Variants in MCTP2 observed in about 807,000 individuals in gnomAD.
The protein encoded by MCTP2 is multiple C2 and transmembrane domain containing 2, also known as multiple C2 and transmembrane domain-containing protein 2.
MCTP2 carries 132 observed loss-of-function variants against 111.6 expected under a neutral mutation model. The ratio of observed to expected loss-of-function variants is 1.18; its 90% CI spans 1.03 to 1.37. The LOEUF (loss-of-function observed/expected upper bound fraction) is 1.37, where lower values mean the gene tolerates loss of function less well. Ranked by LOEUF, MCTP2 falls within the 40% of genes most tolerant of loss-of-function variation. MCTP2 has a pLI of 0.00. For synonymous variants in MCTP2, 395 were observed against 387.7 expected (o/e 1.02, Z -0.22); for missense variants, 1,183 against 1,067.9 (o/e 1.11, Z -1.50).
intron 21 of MCTP2, among the ~76,000 whole-genome samples, chr15:94,473,122 A>G (rs1440843705): frequency 6.6e-6 from 1 of 151,844 alleles, no homozygotes; most frequent in Non-Finnish European, 1.5e-5. Context: ...TATATCCTCA[A>G]GTCATATTTT....
rs538642359 is a variant in MCTP2, at chr15:94,470,876, A to G, written c.2470+434A>G. On this transcript the variant is annotated intron_variant, in intron 21 of 22. Coordinates refer to ENST00000357742, the MANE Select transcript of MCTP2 (RefSeq NM_001385001.1). ...CACTTCATCCCTCTTGGAGAAAAAA[A>G]TTCACCTAACCCCATTCTTAAATCC... is the stretch of plus-strand genomic sequence containing the variant. Among the ~76,000 whole-genome samples, 6 of 152,276 alleles carry G rather than the reference A, an allele frequency of 3.9e-5. No homozygotes were observed. In the South Asian group the frequency reaches 1.2e-3, roughly 32 times the overall value.
At chr15:94,397,548 TA>T (rs2081342454) in intron 14 of MCTP2, among the ~76,000 whole-genome samples, 2 of 152,220 alleles carry the variant, frequency 1.3e-5, no homozygotes, top group South Asian at 4.1e-4. Flanking sequence ...GGACACCGTT[TA>T]GGAAGGAAAC....
At chr15:94,243,866 T>C (rs150917040) in intron 1 of MCTP2, among the ~76,000 whole-genome samples, 2,696 of 147,256 alleles carry the variant, frequency 0.018, 26 homozygotes, top group Non-Finnish European at 0.024. Context: ...TACACATACA[T>C]ATGTGTATAT....
chr15:94,298,498 T>C lies in MCTP2; in HGVS notation c.233T>C (p.Val78Ala), dbSNP rs777094935. The C allele has an allele frequency of 4.3e-6, 7 of 1,613,964 alleles. No homozygotes were observed. The highest frequency in any genetic ancestry group is 4.5e-5 in the East Asian group (2 of 44,882). ...GGGCCACAGTCTTCCTACACCTCGG[T>C]GCCCAGCAGTCTGTCCACTGCAGGG... is the stretch of plus-strand genomic sequence containing the variant. ...YSGPQSSYTS[V>A]PSSLSTAGIF... The change falls in exon 2 of 23, where the codon GTG (valine) becomes GCG (alanine). Residue 78 changes from valine to alanine, a missense_variant. Physicochemically the swap from Val to Ala is moderately conservative, Grantham distance 64. Transcript: ENST00000357742.
At chr15:94,323,779 C>A (rs1436275641) in intron 4 of MCTP2, among the ~76,000 whole-genome samples, 1 of 152,212 alleles carries the variant, frequency 6.6e-6, no homozygotes, top group Non-Finnish European at 1.5e-5. Context: ...CATCTTCCTG[C>A]ATGTCTGCTG....
intron 2 of MCTP2, among the ~76,000 whole-genome samples, chr15:94,300,969 T>C (rs2075581006): frequency 6.6e-6 from 1 of 152,096 alleles, no homozygotes; most frequent in Admixed American, 6.6e-5. Flanking sequence ...TGGTCCATGA[T>C]AGTAGATGTG....
intron 17 of MCTP2, among the ~76,000 whole-genome samples, chr15:94,433,751 G>T (rs775543849): frequency 1.6e-4 from 25 of 152,156 alleles, no homozygotes; most frequent in Non-Finnish European, 3.7e-4. Context: ...CCACATTTTT[G>T]TCAACACTTT....
intron 1 of MCTP2, among the ~76,000 whole-genome samples, chr15:94,260,040 G>T (rs76208234): frequency 6.6e-6 from 1 of 151,998 alleles, no homozygotes; most frequent in Non-Finnish European, 1.5e-5. Flanking sequence ...TTCCCCTTTG[G>T]CTGTTCACCA....
intron 10 of MCTP2, among the ~76,000 whole-genome samples, chr15:94,360,138 G>C (rs2078846930): frequency 1.3e-5 from 2 of 152,060 alleles, no homozygotes; most frequent in Non-Finnish European, 2.9e-5. Context: ...CCCCACTTGA[G>C]ACCTCTCACC....
At chr15:94,348,511 ACT>A (rs2078123839) in intron 8 of MCTP2, among the ~76,000 whole-genome samples, 1 of 8,042 alleles carries the variant, frequency 1.2e-4, no homozygotes, top group Non-Finnish European at 2.5e-4. Flanking sequence ...TCTCAAATGA[ACT>A]GCTCCGTGAC....
intron 12 of MCTP2, among the ~76,000 whole-genome samples, chr15:94,381,956 G>A (rs1034870768): frequency 3.9e-5 from 6 of 152,172 alleles, no homozygotes; most frequent in African/African-American, 1.4e-4. Flanking sequence ...AATCCCTTCC[G>A]TGTTTGAATC....
chr15:94,421,790 T>A (rs2082641629), intron 17 of MCTP2, among the ~76,000 whole-genome samples: 1 of 152,176 alleles, frequency 6.6e-6, no homozygotes, highest in East Asian at 1.9e-4. Flanking sequence ...TTAGAAAACT[T>A]AGCTTCATCT....
chr15:94,321,641 C>T lies in MCTP2; in HGVS notation c.637+6004C>T, dbSNP rs1187810739. On this transcript the variant is annotated intron_variant, in intron 4 of 22. Coordinates refer to ENST00000357742, the MANE Select transcript of MCTP2 (RefSeq NM_001385001.1). ...GTGTCAGTTTGCCAATTTCTCTGTG[C>T]TCTCTCTATGATCTGTCTTTAGCAT... 2.6e-5 allele frequency among the ~76,000 whole-genome samples: 4 copies of T among 152,288 alleles called. No homozygotes were observed. The East Asian group carries it at 7.7e-4, about 29-fold the overall frequency.
Position 94,377,350 on chromosome 15 carries a change from C to CA in MCTP2, c.1583-6669dup, listed in dbSNP as rs200562406. Among the ~76,000 whole-genome samples, 99 of 152,242 alleles carry CA rather than the reference C, an allele frequency of 6.5e-4. No individual in the cohort carries two copies. In the East Asian group the frequency reaches 0.019, roughly 29 times the overall value. Reference sequence around the variant, plus strand: ...AGAGATCTTCATGGATAGCTAAGCCCAAATCAAGACCAACTTTTGAAAAAC... The same window carrying CA: ...AGAGATCTTCATGGATAGCTAAGCCCAAAATCAAGACCAACTTTTGAAAAAC... On this transcript the variant is annotated intron_variant, in intron 12 of 22. Transcript: ENST00000357742.
intron 1 of MCTP2, among the ~76,000 whole-genome samples, chr15:94,255,719 G>A (rs2072721220): frequency 6.6e-6 from 1 of 152,124 alleles, no homozygotes; most frequent in African/African-American, 2.4e-5. Context: ...TGTACTGAGT[G>A]CTATTCTGAA....
intron 2 of MCTP2, 129 bp downstream of exon 2, chr15:94,298,859 T>C (rs1216064965): frequency 1.1e-5 from 3 of 276,126 alleles, no homozygotes; most frequent in South Asian, 8.0e-5. Flanking sequence ...CCCCTCCCCC[T>C]CCCTCTCTCT....
At chr15:94,232,366 C>G (rs2070240714) in intron 1 of MCTP2, among the ~76,000 whole-genome samples, 1 of 152,130 alleles carries the variant, frequency 6.6e-6, no homozygotes. Context: ...TCAGCCTCCT[C>G]TAGATGCTTA....
In MCTP2 at chr15:94,243,062, C is replaced by CACGTGTATATGTGTATCTACACATAT. The variant is rs1475682678; in HGVS notation, c.-66+11419_-66+11444dup. Among the ~76,000 whole-genome samples the CACGTGTATATGTGTATCTACACATAT allele has an allele frequency of 2.6e-4, 18 of 68,534 alleles. 1 individual carries two copies. The highest frequency in any genetic ancestry group is 4.8e-4 in the South Asian group (1 of 2,100). 45.0% of individuals were successfully genotyped at this position (68,534 alleles called of 152,430 possible). A position where few individuals can be genotyped will look rare whatever the true frequency, so the allele number is the denominator to read the frequency against. On this transcript the variant is annotated intron_variant, in intron 1 of 22. Transcript: ENST00000357742. ...ACGTGTATATGTGTATCTACACATACACGTGTATATGTGTATCTACACATA... is the reference window on the plus strand; with the variant it reads ...ACGTGTATATGTGTATCTACACATACACGTGTATATGTGTATCTACACATATACGTGTATATGTGTATCTACACATA...
At chr15:94,451,396 A>G (rs1159937888) in intron 19 of MCTP2, among the ~76,000 whole-genome samples, 1 of 152,220 alleles carries the variant, frequency 6.6e-6, no homozygotes, top group East Asian at 1.9e-4. Flanking sequence ...AAGCATGTGA[A>G]TTTTATTTAT....
Sources: gnomAD v4.1 joint callset for allele counts (sites outside exome capture counted in the v4.1 genomes callset) on GRCh38, gnomAD v4.1.1 for gene constraint, MANE v1.5 for transcripts, NCBI Gene and HGNC (gene_info 2026-07-23, HGNC 2026-07-21) for gene names.